The following MINK1 variants were observed in gnomAD, a reference collection of about 807,000 sequenced individuals.
MINK1 encodes the protein misshapen like kinase 1.
MINK1 carries 46 observed loss-of-function variants against 178.4 expected under a neutral mutation model. That is an observed-to-expected ratio of 0.26 (90% CI 0.20 to 0.33). The LOEUF (loss-of-function observed/expected upper bound fraction) is 0.33. MINK1 is among the 10% of genes least tolerant of loss of function. The pLI is 1.00. For missense variants in MINK1, 1,366 were observed against 1,814.9 expected (o/e 0.75, Z 4.49); for synonymous variants, 797 against 709.7 (o/e 1.12, Z -1.96).
chr17:4,838,894 A>C (rs1909701240), intron 1 of MINK1, among the ~76,000 whole-genome samples: 1 of 152,082 alleles, frequency 6.6e-6, no homozygotes, highest in South Asian at 2.1e-4. Flanking sequence ...CTATTTAACC[A>C]GATCTCTGGG....
At chr17:4,838,756 C>G (rs573285680) in intron 1 of MINK1, among the ~76,000 whole-genome samples, 9 of 152,274 alleles carry the variant, frequency 5.9e-5, no homozygotes, top group South Asian at 2.1e-4. Flanking sequence ...AAAGTTGAAT[C>G]AGAGAAAGTT....
At chr17:4,848,376 T>C (rs1298913868) in intron 1 of MINK1, among the ~76,000 whole-genome samples, 1 of 152,230 alleles carries the variant, frequency 6.6e-6, no homozygotes, top group East Asian at 1.9e-4. Flanking sequence ...GGGGGTATTT[T>C]TTGAGACGGA....
intron 1 of MINK1, among the ~76,000 whole-genome samples, chr17:4,868,642 TTATG>T (rs1915400575): frequency 6.6e-6 from 1 of 152,266 alleles, no homozygotes; most frequent in Non-Finnish European, 1.5e-5. Flanking sequence ...ATGCCATATT[TTATG>T]TATGCATTTA....
chr17:4,889,725 C>G lies in MINK1; in HGVS notation c.1309C>G (p.Arg437Gly). The G allele has an allele frequency of 6.4e-7, 1 of 1,550,702 alleles. No homozygotes were observed. The highest frequency in any genetic ancestry group is 8.7e-7 in the Non-Finnish European group (1 of 1,150,432). The change falls in exon 13 of 32, where the codon CGG (arginine) becomes GGG (glycine). Residue 437 changes from arginine (R) to glycine (G), a missense_variant. Physicochemically the swap from Arg to Gly is moderately radical, Grantham distance 125 (BLOSUM62 -2). Transcript: ENST00000355280. Reference sequence around the variant, plus strand: ...GCGGCTGGAGGACATGCAGGCTCTGCGGCGGGAGGAGGAGCGGCGGCAGGC... The same window carrying G: ...GCGGCTGGAGGACATGCAGGCTCTGGGGCGGGAGGAGGAGCGGCGGCAGGC... ...QRRLEDMQAL[R>G]REEERRQAER... is the part of the protein sequence containing the mutation.
At chr17:4,873,635 T>TTTTTTG in intron 1 of MINK1, among the ~76,000 whole-genome samples, 1 of 149,752 alleles carries the variant, frequency 6.7e-6, no homozygotes. Flanking sequence ...TTTTTTTTTT[T>TTTTTTG]TGAGAAGGCG....
Position 4,886,219 on chromosome 17 carries a change from G to A in MINK1, c.773+21G>A, listed in dbSNP as rs562965637. ...AAGTGGTAGGTCTCTGAGAGTGTGG[G>A]CTCTGGGAAGGAAGGTCCCTGGACA... On this transcript the variant is annotated intron_variant, in intron 9 of 31. Coordinates refer to ENST00000355280, the MANE Select transcript of MINK1 (RefSeq NM_153827.5). The surrounding 1 kb of genome is among the most constrained non-coding windows in gnomAD (Gnocchi z 6.1). The A allele has an allele frequency of 5.6e-6, 9 of 1,611,710 alleles. No homozygotes were observed. In the African/African-American group the frequency reaches 1.2e-4, roughly 21 times the overall value.
At chr17:4,851,489 C>T (rs969384885) in intron 1 of MINK1, among the ~76,000 whole-genome samples, 5 of 152,178 alleles carry the variant, frequency 3.3e-5, no homozygotes, top group Non-Finnish European at 7.3e-5. Flanking sequence ...CCTTCCTGCT[C>T]GCTGTCTGCC....
intron 1 of MINK1, among the ~76,000 whole-genome samples, chr17:4,843,041 T>A (rs186343631): frequency 5.3e-4 from 80 of 152,262 alleles, no homozygotes; most frequent in Non-Finnish European, 3.2e-4. Context: ...CAGAACTTGG[T>A]AGGCTCCTGG....
At chr17:4,865,827 C>T (rs939322184) in intron 1 of MINK1, among the ~76,000 whole-genome samples, 3 of 151,252 alleles carry the variant, frequency 2.0e-5, no homozygotes, top group African/African-American at 4.9e-5. Context: ...TCCAGGAGTT[C>T]GAGGCTACAG....
In MINK1 at chr17:4,833,523, G is replaced by A. The variant is rs887192156; in HGVS notation, c.-61G>A. 29 of 1,374,886 alleles carry A rather than the reference G, an allele frequency of 2.1e-5. No homozygotes were observed. The highest frequency in any genetic ancestry group is 3.0e-5 in the African/African-American group (2 of 66,354). The allele number at this position is 1,374,886 out of a possible 1,614,324, so 85.2% of individuals were successfully genotyped here. On this transcript the variant is annotated 5_prime_UTR_variant, in exon 1 of 32. Coordinates refer to ENST00000355280, the MANE Select transcript of MINK1 (RefSeq NM_153827.5). This position sits in a 1 kb window ranked among gnomAD's most constrained non-coding sequence, Gnocchi z 4.8. ...CCGATGGGGGAGAAGCGGCGACGGCGGCAGTGGAGTAACCGAGCCGGAGCG... is the reference window on the plus strand; with the variant it reads ...CCGATGGGGGAGAAGCGGCGACGGCAGCAGTGGAGTAACCGAGCCGGAGCG...
rs1567611826 is a variant in MINK1 at position 4,889,755 on chromosome 17, C to T, written c.1339C>T (p.Arg447Cys). Residue 447 changes from arginine to cysteine, a missense_variant, in exon 13 of 32, where the codon CGC becomes TGC. Arg to Cys is a radical substitution (Grantham distance 180). Coordinates refer to ENST00000355280, the MANE Select transcript of MINK1 (RefSeq NM_153827.5). ...GGAGGAGGAGCGGCGGCAGGCGGAG[C>T]GCGAGCAGGTAGAGCGCCGCACCCG... ...RREEERRQAE[R>C]EQEYKRKQLE... is the part of the protein sequence containing the mutation. 2 of 1,538,530 alleles carry T rather than the reference C, an allele frequency of 1.3e-6. No individual in the cohort carries two copies. Among genetic ancestry groups the T allele is most frequent in the South Asian group, 1.2e-5 (1 of 83,762 alleles).
intron 1 of MINK1, among the ~76,000 whole-genome samples, chr17:4,862,768 A>G (rs1224982004): frequency 6.6e-6 from 1 of 152,136 alleles, no homozygotes; most frequent in Non-Finnish European, 1.5e-5. Flanking sequence ...CGTGTGGCTC[A>G]TGCCTGTAAT....
In MINK1 at chr17:4,896,990, C is replaced by T. The variant is rs549330221; in HGVS notation, c.3915+177C>T. On this transcript the variant is annotated intron_variant, in intron 31 of 31. Transcript: ENST00000355280. The surrounding 1 kb of genome is among the most constrained non-coding windows in gnomAD (Gnocchi z 4.6). ...CTGCGCTCCCTTCAGATTCCGAGGA[C>T]TTCCCAGCTGGCCCCCAGGGGGCGA... 2 of 1,032,446 alleles carry T rather than the reference C, an allele frequency of 1.9e-6. No individual in the cohort carries two copies. Among genetic ancestry groups the T allele is most frequent in the African/African-American group, 3.2e-5 (2 of 61,592 alleles). 64.0% of individuals were successfully genotyped at this position (1,032,446 alleles called of 1,614,324 possible).
chr17:4,889,806 T>TCCTGCTG, intron 13 of MINK1, 43 bp downstream of exon 13: 1 of 1,125,466 alleles, frequency 8.9e-7, no homozygotes, highest in Non-Finnish European at 1.1e-6. Flanking sequence ...GCCCTCCCGC[T>TCCTGCTG]CCTGCTGCCT....
intron 1 of MINK1, chr17:4,875,498 C>T (rs939735915): frequency 2.2e-5 from 10 of 453,666 alleles, no homozygotes; most frequent in African/African-American, 6.0e-5. Flanking sequence ...TGAGGCCGTG[C>T]GCAGTGGCTC....
chr17:4,870,747 C>T (rs1032631721), intron 1 of MINK1, among the ~76,000 whole-genome samples: 13 of 152,206 alleles, frequency 8.5e-5, no homozygotes, highest in Non-Finnish European at 1.8e-4. Flanking sequence ...ATTGCTTGAG[C>T]TCAGGAGGTG....
At chr17:4,842,192 C>A (rs1222750661) in intron 1 of MINK1, among the ~76,000 whole-genome samples, 2 of 150,032 alleles carry the variant, frequency 1.3e-5, no homozygotes, top group East Asian at 3.9e-4. Context: ...CCACTGCACT[C>A]CAGCCTGGGC....
chr17:4,882,217 T>C (rs1967767774), intron 4 of MINK1, among the ~76,000 whole-genome samples: 1 of 152,258 alleles, frequency 6.6e-6, no homozygotes, highest in African/African-American at 2.4e-5. Flanking sequence ...CTCACTGTGC[T>C]CTGCTCTCCA....
Position 4,881,370 on chromosome 17 carries a change from G to A in MINK1, c.306+113G>A, listed in dbSNP as rs975937168. 1.5e-5 allele frequency: 19 copies of A among 1,228,468 alleles called. 1 individual carries two copies. The South Asian group carries it at 1.7e-4, about 11-fold the overall frequency. The allele number at this position is 1,228,468 out of a possible 1,614,324, so 76.1% of individuals were successfully genotyped here. A position where few individuals can be genotyped will look rare whatever the true frequency, so the allele number is the denominator to read the frequency against. ...TCTCCTTGCCAGCTACCCTCCCTCCGGTCTACCCAGCCTCCCCTGTCCCTG... is the reference window on the plus strand; with the variant it reads ...TCTCCTTGCCAGCTACCCTCCCTCCAGTCTACCCAGCCTCCCCTGTCCCTG... On this transcript the variant is annotated intron_variant, in intron 4 of 31. Coordinates refer to ENST00000355280, the MANE Select transcript of MINK1 (RefSeq NM_153827.5).
Sources: allele counts gnomAD v4.1 joint callset (sites outside exome capture counted in the v4.1 genomes callset), GRCh38; gene constraint gnomAD v4.1.1; non-coding constraint Gnocchi (gnomAD v3.1); transcripts MANE v1.5; gene names NCBI Gene and HGNC (gene_info 2026-07-23, HGNC 2026-07-21).